Variants in ATP8B4 observed in about 807,000 individuals in gnomAD.
ATP8B4 encodes probable phospholipid-transporting ATPase IM.
A neutral mutation model predicts 145.6 loss-of-function variants in ATP8B4; 133 were observed. That is an observed-to-expected ratio of 0.91 (90% CI 0.79 to 1.05). ATP8B4 has a LOEUF of 1.05. Ranked by LOEUF, ATP8B4 falls within the 50% of genes least tolerant of loss-of-function variation. ATP8B4 has a pLI of 0.00. For missense variants in ATP8B4, 1,458 were observed against 1,425.2 expected, an observed-to-expected ratio of 1.02 and a Z score of -0.37; for synonymous variants, 507 against 492.9, an observed-to-expected ratio of 1.03 and a Z score of -0.38.
intron 3 of ATP8B4, among the ~76,000 whole-genome samples, chr15:50,054,794 A>C (rs865930806): frequency 1.0e-3 from 132 of 130,140 alleles, no homozygotes; most frequent in Non-Finnish European, 1.5e-3. Context: ...AAAAAAAAAA[A>C]AAAAAAAAAA....
chr15:50,078,640 G>A (rs2054343811), intron 2 of ATP8B4, among the ~76,000 whole-genome samples: 1 of 151,974 alleles, frequency 6.6e-6, no homozygotes, highest in Non-Finnish European at 1.5e-5. Flanking sequence ...AGAGTAAGAT[G>A]TAACTCTTCA....
intron 10 of ATP8B4, 104 bp downstream of exon 10, chr15:49,987,287 G>T (rs2046693940): frequency 7.5e-7 from 1 of 1,331,392 alleles, no homozygotes; most frequent in Non-Finnish European, 1.0e-6. Flanking sequence ...ACTTTGCATG[G>T]AATGAAAGCA....
chr15:50,165,857 G>A (rs1265367116), intron 1 of ATP8B4, among the ~76,000 whole-genome samples: 1 of 152,002 alleles, frequency 6.6e-6, no homozygotes, highest in African/African-American at 2.4e-5. Flanking sequence ...GTCAAAGAGA[G>A]AGAAGAGAGA....
At chr15:50,067,932 T>C (rs1394076513) in intron 3 of ATP8B4, among the ~76,000 whole-genome samples, 1 of 152,184 alleles carries the variant, frequency 6.6e-6, no homozygotes, top group Admixed American at 6.5e-5. Flanking sequence ...GTTGTGAATA[T>C]TAAATTCTGA....
At chr15:50,177,873 T>G (rs758061711) in intron 1 of ATP8B4, among the ~76,000 whole-genome samples, 2 of 152,148 alleles carry the variant, frequency 1.3e-5, no homozygotes, top group African/African-American at 2.4e-5. Flanking sequence ...AACTACTTCA[T>G]CTCCATAAAG....
chr15:50,001,291 T>C (rs1178778775), intron 8 of ATP8B4, among the ~76,000 whole-genome samples: 2 of 152,194 alleles, frequency 1.3e-5, no homozygotes, highest in Non-Finnish European at 2.9e-5. Context: ...TTTTCAAATG[T>C]ATGCCATAAA....
chr15:50,102,676 G>C (rs2056439389), intron 2 of ATP8B4, among the ~76,000 whole-genome samples: 1 of 151,776 alleles, frequency 6.6e-6, no homozygotes, highest in African/African-American at 2.4e-5. Flanking sequence ...TCAAAGAATT[G>C]GTACCAATCC....
intron 20 of ATP8B4, among the ~76,000 whole-genome samples, chr15:49,908,405 G>A (rs1461585581): frequency 6.6e-6 from 1 of 152,182 alleles, no homozygotes; most frequent in Non-Finnish European, 1.5e-5. Flanking sequence ...ACACCTAAAA[G>A]AAGAAGAGGG....
chr15:49,947,619 A>T (rs934025970), intron 14 of ATP8B4, among the ~76,000 whole-genome samples: 1 of 152,102 alleles, frequency 6.6e-6, no homozygotes, highest in Non-Finnish European at 1.5e-5. Flanking sequence ...GTATAAAAAA[A>T]ATTCTAAAAT....
intron 1 of ATP8B4, among the ~76,000 whole-genome samples, chr15:50,144,682 G>T (rs566598076): frequency 1.3e-5 from 2 of 152,086 alleles, no homozygotes; most frequent in African/African-American, 4.8e-5. Flanking sequence ...CAAAGTTAAG[G>T]CATGTTTTCC....
intron 2 of ATP8B4, among the ~76,000 whole-genome samples, chr15:50,102,820 T>C (rs2056451427): frequency 6.6e-6 from 1 of 151,338 alleles, no homozygotes; most frequent in African/African-American, 2.4e-5. Context: ...ATATCCTTTA[T>C]GAATATAGAT....
In ATP8B4 at chr15:50,127,374, C is replaced by T. The variant is rs143860990; in HGVS notation, c.-42-20366G>A. On this transcript the variant is annotated intron_variant, in intron 1 of 3. Coordinates refer to the ATP8B4 transcript ENST00000558829. ...CAGATTAACTGACCCATGTTCAGTT[C>T]AGTAACAATGGCCTTCCTCTACTGT... is the stretch of plus-strand genomic sequence containing the variant. Among the ~76,000 whole-genome samples, 302 of 152,342 alleles carry T rather than the reference C, an allele frequency of 2.0e-3. 1 individual carries two copies. Among genetic ancestry groups the T allele is most frequent in the Admixed American group, 4.8e-3 (74 of 15,288 alleles).
intron 2 of ATP8B4, among the ~76,000 whole-genome samples, chr15:50,103,754 A>G (rs1467889599): frequency 6.6e-6 from 1 of 152,198 alleles, no homozygotes; most frequent in Non-Finnish European, 1.5e-5. Flanking sequence ...TGTGGAACCA[A>G]AAAGAGCCCA....
intron 14 of ATP8B4, among the ~76,000 whole-genome samples, chr15:49,951,569 G>T (rs1439805927): frequency 6.6e-6 from 1 of 151,834 alleles, no homozygotes; most frequent in African/African-American, 2.4e-5. Flanking sequence ...CTCCATCCCT[G>T]TATTTGGAGC....
At chr15:49,896,734 A>G (rs1350538969) in intron 23 of ATP8B4, 1 of 152,250 alleles carries the variant, frequency 6.6e-6, no homozygotes, top group Non-Finnish European at 1.5e-5. Context: ...TTAAATAACT[A>G]TCCTTTAATG....
chr15:50,029,255 A>AAAAAAAAC (rs776952913), intron 6 of ATP8B4, among the ~76,000 whole-genome samples: 247 of 140,508 alleles, frequency 1.8e-3, no homozygotes, highest in Non-Finnish European at 2.2e-3. Flanking sequence ...AAAAAAAAAA[A>AAAAAAAAC]AACAGAAAAA....
At chr15:49,974,416 A>G (rs1472465332) in intron 12 of ATP8B4, among the ~76,000 whole-genome samples, 1 of 146,276 alleles carries the variant, frequency 6.8e-6, no homozygotes, top group South Asian at 2.1e-4. Context: ...TTTTTTAGAG[A>G]CAGGGTCTTG....
intron 1 of ATP8B4, among the ~76,000 whole-genome samples, chr15:50,130,997 G>A (rs1033816509): frequency 2.0e-5 from 3 of 152,026 alleles, no homozygotes; most frequent in Admixed American, 6.6e-5. Context: ...ATGGCAGAAG[G>A]TGAAGGGAAA....
intron 10 of ATP8B4, among the ~76,000 whole-genome samples, chr15:49,983,305 A>G (rs60496565): frequency 0.09 from 13,617 of 152,130 alleles, 1,004 homozygotes; most frequent in African/African-American, 0.19. Context: ...TCTGGCTTAC[A>G]ATCTTCCTCC....
Sources: gnomAD v4.1 joint callset for allele counts (sites outside exome capture counted in the v4.1 genomes callset) on GRCh38, gnomAD v4.1.1 for gene constraint, MANE v1.5 for transcripts, NCBI Gene and HGNC (gene_info 2026-07-23, HGNC 2026-07-21) for gene names.